Variants in MYO3A observed in about 807,000 individuals in gnomAD.
MYO3A encodes myosin-IIIa.
In MYO3A, 180 loss-of-function variants were observed where a neutral mutation model predicts 192.7. The ratio of observed to expected loss-of-function variants is 0.93; its 90% CI spans 0.83 to 1.06. The LOEUF is 1.06. Among genes scored for constraint, MYO3A ranks in the 50% least tolerant of loss-of-function variants. The probability of loss-of-function intolerance (pLI) is 0.00; values close to 1 mark genes in which losing one functional copy is unlikely to be tolerated. For missense variants in MYO3A, 1,896 were observed against 1,905.0 expected, an observed-to-expected ratio of 1.00 and a Z score of 0.09; for synonymous variants, 628 against 645.3, an observed-to-expected ratio of 0.97 and a Z score of 0.41.
chr10:25,939,746 T>G (rs1015315284), intron 2 of MYO3A, among the ~76,000 whole-genome samples: 1 of 152,020 alleles, frequency 6.6e-6, no homozygotes, highest in African/African-American at 2.4e-5. Flanking sequence ...TAAATTCTCC[T>G]TGTTAATTAT....
chr10:26,127,852 G>A (rs1839307564), intron 19 of MYO3A, among the ~76,000 whole-genome samples: 1 of 151,230 alleles, frequency 6.6e-6, no homozygotes, highest in African/African-American at 2.4e-5. Flanking sequence ...CTATGTATTT[G>A]TATTTCTCCA....
At chr10:26,186,448 A>C (rs2132112234) in intron 31 of MYO3A, among the ~76,000 whole-genome samples, 1 of 151,948 alleles carries the variant, frequency 6.6e-6, no homozygotes, top group Non-Finnish European at 1.5e-5. Flanking sequence ...TTGTATTTTT[A>C]GTAGAGATGG....
chr10:26,030,084 T>A (rs1273162377), intron 10 of MYO3A, among the ~76,000 whole-genome samples: 1 of 152,126 alleles, frequency 6.6e-6, no homozygotes, highest in Non-Finnish European at 1.5e-5. Flanking sequence ...GTTTTTTCAA[T>A]CTTTTTCCCA....
rs150042646 is a variant in MYO3A at position 26,193,217 on chromosome 10, G to A, written c.4451G>A (p.Gly1484Glu). Reference sequence around the variant, plus strand: ...ACCTTTCTTATAGGTGTCTGTAAAGGAGAGGAGCCAAAAATATTGAGACCC... The same window carrying A: ...ACCTTTCTTATAGGTGTCTGTAAAGAAGAGGAGCCAAAAATATTGAGACCC... ...SQQCLSGVCK[G>E]EEPKILRPPR... Residue 1484 changes from glycine (G) to glutamate (E), a missense_variant, in exon 32 of 35, where the codon GGA becomes GAA. By Grantham distance (98) the Gly-to-Glu change is moderately conservative (BLOSUM62 -2). Transcript: ENST00000642920. The A allele has an allele frequency of 1.7e-5, 27 of 1,613,208 alleles. No individual in the cohort carries two copies. In the African/African-American group the frequency reaches 2.1e-4, roughly 13 times the overall value.
chr10:25,963,694 A>G (rs1195585016), intron 4 of MYO3A, among the ~76,000 whole-genome samples: 2 of 152,138 alleles, frequency 1.3e-5, no homozygotes, highest in African/African-American at 2.4e-5. Flanking sequence ...GGCTGGAACC[A>G]CCATTCCCAC....
chr10:26,166,287 T>A, intron 27 of MYO3A, 109 bp downstream of exon 27: 1 of 986,770 alleles, frequency 1.0e-6, no homozygotes, highest in Non-Finnish European at 1.6e-6. Flanking sequence ...TTATAGAATC[T>A]ATAACTTACA....
At position 26,201,302 on chromosome 10, in the gene MYO3A, A is replaced by G. The variant is rs1399646840; in HGVS notation, c.4583A>G (p.Asp1528Gly). 1.3e-6 allele frequency: 2 copies of G among 1,578,220 alleles called. No homozygotes were observed. Among genetic ancestry groups the G allele is most frequent in the Admixed American group, 1.7e-5 (1 of 58,646 alleles). ...IQEEKRRPRK[D>G]SQGKLLDLED... ...GAAGAAAAACGAAGACCAAGGAAAG[A>G]CAGGTAATTATTACTTCTGGATTTC... Residue 1528 changes from aspartate to glycine, a missense_variant, in exon 33 of 35, where the codon GAC becomes GGC. By Grantham distance (94) the Asp-to-Gly change is moderately conservative (BLOSUM62 -1). Coordinates refer to ENST00000642920, the MANE Select transcript of MYO3A (RefSeq NM_017433.5).
At chr10:25,968,182 A>G (rs1838380007) in intron 4 of MYO3A, among the ~76,000 whole-genome samples, 1 of 152,226 alleles carries the variant, frequency 6.6e-6, no homozygotes, top group Non-Finnish European at 1.5e-5. Context: ...GAGAAAAAAG[A>G]CACATTACAT....
At chr10:26,205,259 T>G (rs114036315) in intron 34 of MYO3A, among the ~76,000 whole-genome samples, 245 of 152,288 alleles carry the variant, frequency 1.6e-3, no homozygotes, top group African/African-American at 5.8e-3. Flanking sequence ...TTTTTTATGG[T>G]GAAAGCACTT....
intron 14 of MYO3A, among the ~76,000 whole-genome samples, chr10:26,085,984 T>C (rs192585674): frequency 1.6e-4 from 24 of 152,270 alleles, no homozygotes; most frequent in African/African-American, 5.8e-4. Flanking sequence ...TGTTCTCCAG[T>C]GTGCTCCTTT....
At chr10:26,005,408 T>A (rs1280391556) in intron 6 of MYO3A, among the ~76,000 whole-genome samples, 1 of 152,132 alleles carries the variant, frequency 6.6e-6, no homozygotes, top group Non-Finnish European at 1.5e-5. Flanking sequence ...AAGCACCACA[T>A]AATCCCGGAT....
intron 4 of MYO3A, among the ~76,000 whole-genome samples, chr10:25,989,479 C>T (rs945943015): frequency 3.3e-5 from 5 of 152,086 alleles, no homozygotes; most frequent in Non-Finnish European, 7.4e-5. Flanking sequence ...CTAGGCTGCA[C>T]ATACTCCTGT....
At chr10:26,207,327 T>G (rs1844016941) in intron 34 of MYO3A, among the ~76,000 whole-genome samples, 1 of 152,168 alleles carries the variant, frequency 6.6e-6, no homozygotes, top group Admixed American at 6.5e-5. Flanking sequence ...AATTTCTTTC[T>G]TTTCTTTTCT....
rs751073696 is a variant in MYO3A, at chr10:26,067,060, G to A, written c.1039G>A (p.Glu347Lys). ...GGATGTAGATGATTTAGCAACCCTA[G>A]AAATTTTGGATGAGGTAAGAATTTC... is the stretch of plus-strand genomic sequence containing the variant. ...LKDVDDLATLEILDENTVSEQ... is the reference protein window; with the variant it reads ...LKDVDDLATLKILDENTVSEQ... Residue 347 changes from glutamate to lysine, a missense_variant, in exon 11 of 35, where the codon GAA (glutamate) becomes AAA (lysine). Transcript: ENST00000642920. The A allele has an allele frequency of 6.2e-7, 1 of 1,607,386 alleles. No individual in the cohort carries two copies. Among genetic ancestry groups the A allele is most frequent in the Non-Finnish European group, 8.5e-7 (1 of 1,173,966 alleles).
intron 31 of MYO3A, among the ~76,000 whole-genome samples, chr10:26,192,191 C>T (rs16926650): frequency 0.025 from 3,842 of 152,222 alleles, 147 homozygotes; most frequent in African/African-American, 0.088. Context: ...GAGGCTCTGA[C>T]GGTGTTGCTC....
intron 3 of MYO3A, among the ~76,000 whole-genome samples, chr10:25,953,652 A>T (rs1837355294): frequency 6.6e-6 from 1 of 152,038 alleles, no homozygotes; most frequent in Non-Finnish European, 1.5e-5. Context: ...CTTCCTTCTT[A>T]ATGGAGAACA....
intron 20 of MYO3A, among the ~76,000 whole-genome samples, chr10:26,131,112 G>T (rs1288739927): frequency 6.6e-6 from 1 of 152,168 alleles, no homozygotes; most frequent in East Asian, 1.9e-4. Context: ...CACCTTTACA[G>T]ATGAAACACC....
At chr10:26,206,591 G>A (rs1471653782) in intron 34 of MYO3A, among the ~76,000 whole-genome samples, 1 of 151,896 alleles carries the variant, frequency 6.6e-6, no homozygotes, top group Non-Finnish European at 1.5e-5. Flanking sequence ...TGGGATTACA[G>A]GTGCCTGCCA....
intron 34 of MYO3A, among the ~76,000 whole-genome samples, chr10:26,205,608 C>CTTTTT (rs576007724): frequency 0.05 from 3,431 of 68,660 alleles, 16 homozygotes; most frequent in Non-Finnish European, 0.066. Context: ...CTTTTCTTTT[C>CTTTTT]TTTTTTTTTT....
Sources: gnomAD v4.1 joint callset for allele counts (sites outside exome capture counted in the v4.1 genomes callset) on GRCh38, gnomAD v4.1.1 for gene constraint, MANE v1.5 for transcripts, NCBI Gene and HGNC (gene_info 2026-07-23, HGNC 2026-07-21) for gene names.